The following ANKS1B variants were observed in gnomAD, a reference collection of about 807,000 sequenced individuals.
The protein encoded by ANKS1B is ankyrin repeat and sterile alpha motif domain containing 1B, also known as ankyrin repeat and sterile alpha motif domain-containing protein 1B.
ANKS1B carries 36 observed loss-of-function variants against 148.3 expected under a neutral mutation model. The observed-to-expected ratio is 0.24, with a 90% CI of 0.19 to 0.32. The LOEUF (loss-of-function observed/expected upper bound fraction) is 0.32. ANKS1B is among the 10% of genes least tolerant of loss of function. The pLI is 1.00. For synonymous variants in ANKS1B, 542 were observed against 560.8 expected (o/e 0.97, Z 0.47); for missense variants, 1,157 against 1,542.6 (o/e 0.75, Z 4.19).
intron 12 of ANKS1B, among the ~76,000 whole-genome samples, chr12:99,382,684 T>C (rs1409343412): frequency 9.6e-6 from 1 of 104,402 alleles, no homozygotes; most frequent in Non-Finnish European, 1.8e-5. Flanking sequence ...GGTTGCAGAG[T>C]GGGACTCTGT....
At chr12:99,098,817 C>G (rs1345691210) in intron 15 of ANKS1B, among the ~76,000 whole-genome samples, 3 of 151,070 alleles carry the variant, frequency 2.0e-5, no homozygotes, top group Non-Finnish European at 2.9e-5. Flanking sequence ...GGGAAAGTCA[C>G]TTGATCTGGC....
chr12:98,880,607 A>C (rs1261181010), intron 17 of ANKS1B, among the ~76,000 whole-genome samples: 2 of 152,098 alleles, frequency 1.3e-5, no homozygotes, highest in Non-Finnish European at 2.9e-5. Context: ...TCTACTAAAA[A>C]TACAAAAAAA....
intron 9 of ANKS1B, among the ~76,000 whole-genome samples, chr12:99,597,251 G>A (rs77894168): frequency 6.7e-6 from 1 of 149,474 alleles, no homozygotes; most frequent in Non-Finnish European, 1.5e-5. Context: ...AATGTCTGAG[G>A]GAGAGAGAGA....
chr12:99,653,041 A>AT (rs1270134680), intron 9 of ANKS1B, among the ~76,000 whole-genome samples: 32 of 152,282 alleles, frequency 2.1e-4, no homozygotes, highest in African/African-American at 7.7e-4. Flanking sequence ...ACTGGGAAAG[A>AT]TTTTGTGGTA....
chr12:99,615,204 C>CAGACAGACAGAT (rs2097943922), intron 9 of ANKS1B, among the ~76,000 whole-genome samples: 1 of 151,794 alleles, frequency 6.6e-6, no homozygotes, highest in South Asian at 2.1e-4. Flanking sequence ...GACAGACAGA[C>CAGACAGACAGAT]AGATACACAC....
chr12:98,739,017 G>A (rs6538883), downstream of ANKS1B, among the ~76,000 whole-genome samples: 152,182 of 152,290 alleles, frequency 1, 76,037 homozygotes, highest in Middle Eastern at 1. Flanking sequence ...TTTTCCATAC[G>A]TTATTTAACT....
At chr12:99,322,625 C>A (rs958637489) in intron 12 of ANKS1B, among the ~76,000 whole-genome samples, 1 of 152,178 alleles carries the variant, frequency 6.6e-6, no homozygotes, top group Non-Finnish European at 1.5e-5. Context: ...CCTCGCTATT[C>A]CATGCTATGA....
At chr12:99,964,870 AG>A (rs2095465682) in intron 1 of ANKS1B, among the ~76,000 whole-genome samples, 1 of 152,210 alleles carries the variant, frequency 6.6e-6, no homozygotes, top group South Asian at 2.1e-4. Flanking sequence ...AGGGAAAAGG[AG>A]GACATTAACA....
chr12:99,247,854 G>A (rs2074064789), intron 12 of ANKS1B, among the ~76,000 whole-genome samples: 1 of 152,174 alleles, frequency 6.6e-6, no homozygotes, highest in Non-Finnish European at 1.5e-5. Context: ...TAAATTACCT[G>A]ATAAGCCCAT....
In ANKS1B at chr12:99,581,055, G is replaced by A. The variant is rs75664389; in HGVS notation, c.1272+74012C>T. The stretch of plus-strand genomic sequence containing the variant: ...TTCTATATATTATAGAAATTGATGG[G>A]CTGATTCTAAGATAAATAAGGAAAC... On this transcript the variant is annotated intron_variant, in intron 9 of 26. Coordinates refer to ENST00000683438, the MANE Select transcript of ANKS1B (RefSeq NM_001352186.2). Among the ~76,000 whole-genome samples the A allele has an allele frequency of 9.3e-3, 1,418 of 152,162 alleles. 19 individuals carry two copies. The highest frequency in any genetic ancestry group is 0.032 in the African/African-American group (1,346 of 41,490).
intron 17 of ANKS1B, among the ~76,000 whole-genome samples, chr12:99,007,981 C>T (rs2153397884): frequency 6.6e-6 from 1 of 152,022 alleles, no homozygotes; most frequent in South Asian, 2.1e-4. Context: ...CCCCCCCACC[C>T]TCTATCAGCT....
intron 1 of ANKS1B, among the ~76,000 whole-genome samples, chr12:99,839,946 A>G (rs1262493594): frequency 6.6e-6 from 1 of 151,872 alleles, no homozygotes; most frequent in Non-Finnish European, 1.5e-5. Flanking sequence ...TTTCAAATTC[A>G]TTCACTCATT....
In ANKS1B at chr12:98,784,487, A is replaced by T. The variant is rs1178310663; in HGVS notation, c.3343-2350T>A. 2.6e-5 allele frequency among the ~76,000 whole-genome samples: 4 copies of T among 152,344 alleles called. No individual in the cohort carries two copies. In the East Asian group the frequency reaches 7.7e-4, roughly 29 times the overall value. On this transcript the variant is annotated intron_variant, in intron 22 of 26. Transcript: ENST00000683438. ...GTGCCTACCACAGTGGCTGGCTCAC[A>T]CAGGAGCTGCTACTTTCATTGGGCT...
At position 99,870,093 on chromosome 12, in the gene ANKS1B, G is replaced by A. The variant is rs11110076; in HGVS notation, c.135-44704C>T. ...ATAGTTTTTCAACTCTTGCTCCGCC[G>A]TCACTCCCCTTTCTAGTAGTCCCCA... is the stretch of plus-strand genomic sequence containing the variant. On this transcript the variant is annotated intron_variant, in intron 1 of 26. Transcript: ENST00000683438. Among the ~76,000 whole-genome samples the A allele has an allele frequency of 2.0e-3, 305 of 152,202 alleles. 1 individual carries two copies. The highest frequency in any genetic ancestry group is 7.0e-3 in the African/African-American group (291 of 41,546).
chr12:99,625,287 T>G (rs774474477), intron 9 of ANKS1B, among the ~76,000 whole-genome samples: 32 of 152,118 alleles, frequency 2.1e-4, no homozygotes, highest in Non-Finnish European at 3.2e-4. Context: ...CTGGTTGCTA[T>G]GTTTACTATA....
chr12:99,487,164 GAACCAC>G (rs2152955020), intron 10 of ANKS1B, among the ~76,000 whole-genome samples: 1 of 152,288 alleles, frequency 6.6e-6, no homozygotes, highest in Admixed American at 6.5e-5. Context: ...AGGTCCTTCT[GAACCAC>G]AGGGTATTCC....
At chr12:99,237,953 G>A (rs1459566541) in intron 14 of ANKS1B, among the ~76,000 whole-genome samples, 1 of 152,214 alleles carries the variant, frequency 6.6e-6, no homozygotes, top group Non-Finnish European at 1.5e-5. Flanking sequence ...AATAGGAAGA[G>A]CTCTGGTCTG....
At chr12:99,702,709 A>AT (rs1161148335) in intron 8 of ANKS1B, among the ~76,000 whole-genome samples, 5,448 of 109,666 alleles carry the variant, frequency 0.05, 256 homozygotes, top group East Asian at 0.17. Context: ...AACCCAGCTA[A>AT]TTTTTTTTTT....
At chr12:99,165,700 T>C (rs1416174544) in intron 14 of ANKS1B, among the ~76,000 whole-genome samples, 1 of 122 alleles carries the variant, frequency 8.2e-3, no homozygotes, top group African/African-American at 0.038. Flanking sequence ...ACCAAACATA[T>C]AGTGAAAGAA....
Sources: allele counts gnomAD v4.1 joint callset (sites outside exome capture counted in the v4.1 genomes callset), GRCh38; gene constraint gnomAD v4.1.1; transcripts MANE v1.5; gene names NCBI Gene and HGNC (gene_info 2026-07-23, HGNC 2026-07-21).